SHISAL2A: variants seen among roughly 807,000 people sequenced by gnomAD.
The protein encoded by SHISAL2A is shisa like 2A, also known as protein shisa-like-2A.
A neutral mutation model predicts 11.5 loss-of-function variants in SHISAL2A; 18 were observed. That is an observed-to-expected ratio of 1.57 (90% CI 1.08 to 2.33). The LOEUF is 2.33. Among genes scored for constraint, SHISAL2A ranks in the 30% most tolerant of loss-of-function variants. The pLI, the probability that SHISAL2A is intolerant of heterozygous loss-of-function variation, is 0.00. For missense variants in SHISAL2A, 261 were observed against 250.9 expected (o/e 1.04, Z -0.27); for synonymous variants, 94 against 99.6 (o/e 0.94, Z 0.34).
At chr1:52,663,088 A>G (rs547424741) in intron 4 of SHISAL2A, among the ~76,000 whole-genome samples, 97 of 152,274 alleles carry the variant, frequency 6.4e-4, no homozygotes, top group African/African-American at 2.2e-3. Context: ...GTAGGTTACC[A>G]TGGAAGCCGT....
intron 2 of SHISAL2A, among the ~76,000 whole-genome samples, chr1:52,649,442 C>T (rs1177686289): frequency 6.6e-6 from 1 of 152,116 alleles, no homozygotes; most frequent in Non-Finnish European, 1.5e-5. Context: ...AGTATGGAGG[C>T]AAGGGTGGGG....
At chr1:52,653,459 CA>C (rs1020646796) in intron 2 of SHISAL2A, among the ~76,000 whole-genome samples, 5 of 151,150 alleles carry the variant, frequency 3.3e-5, no homozygotes, top group Admixed American at 6.6e-5. Flanking sequence ...GACTCTGTCT[CA>C]AAAAAAAGAA....
chr1:52,634,815 C>T (rs1691205359), intron 1 of SHISAL2A, among the ~76,000 whole-genome samples: 1 of 152,314 alleles, frequency 6.6e-6, no homozygotes, highest in Admixed American at 6.5e-5. Context: ...AAGTCTCTGG[C>T]TTTTCATCTA....
downstream of SHISAL2A, among the ~76,000 whole-genome samples, chr1:52,658,305 G>T (rs1044000592): frequency 6.6e-6 from 1 of 152,200 alleles, no homozygotes; most frequent in Non-Finnish European, 1.5e-5. Context: ...CTCCCAAAGT[G>T]CTGGGATTAC....
chr1:52,658,462 G>A (rs762216441), downstream of SHISAL2A, among the ~76,000 whole-genome samples: 10 of 152,188 alleles, frequency 6.6e-5, no homozygotes, highest in Non-Finnish European at 1.3e-4. Context: ...GGAGCCAAAT[G>A]CCTGGTTAAA....
At chr1:52,637,439 T>C (rs1691261639) in intron 1 of SHISAL2A, among the ~76,000 whole-genome samples, 1 of 152,230 alleles carries the variant, frequency 6.6e-6, no homozygotes, top group African/African-American at 2.4e-5. Context: ...GTAAGCACTG[T>C]TTCCTGGGAG....
chr1:52,643,617 G>A (rs1691421869), intron 2 of SHISAL2A, among the ~76,000 whole-genome samples: 1 of 152,206 alleles, frequency 6.6e-6, no homozygotes, highest in African/African-American at 2.4e-5. Flanking sequence ...CACTTTGGGA[G>A]GCCGAGGCAG....
chr1:52,637,876 A>G (rs1041212540), intron 1 of SHISAL2A, among the ~76,000 whole-genome samples: 27 of 152,146 alleles, frequency 1.8e-4, no homozygotes, highest in Non-Finnish European at 3.4e-4. Flanking sequence ...TCAGAACAGT[A>G]AAATCCTCGA....
At chr1:52,655,603 G>A (rs1571698302) in intron 2 of SHISAL2A, among the ~76,000 whole-genome samples, 1 of 152,096 alleles carries the variant, frequency 6.6e-6, no homozygotes, top group African/African-American at 2.4e-5. Flanking sequence ...TCCAGTCTTG[G>A]CAACAGTGCA....
chr1:52,648,874 G>A (rs187830733), intron 2 of SHISAL2A, among the ~76,000 whole-genome samples: 11 of 151,536 alleles, frequency 7.3e-5, no homozygotes, highest in African/African-American at 9.7e-5. Context: ...TGGCTCAAGC[G>A]GAATACAGTT....
chr1:52,645,061 A>G (rs1274112967), intron 2 of SHISAL2A, among the ~76,000 whole-genome samples: 1 of 151,852 alleles, frequency 6.6e-6, no homozygotes, highest in Non-Finnish European at 1.5e-5. Flanking sequence ...TAAGGGTGAC[A>G]GGAGGCATCG....
intron 4 of SHISAL2A, among the ~76,000 whole-genome samples, chr1:52,663,004 G>A (rs1351281212): frequency 6.6e-6 from 1 of 152,198 alleles, no homozygotes; most frequent in Non-Finnish European, 1.5e-5. Context: ...GAAGTAGGGA[G>A]CTTCATTGTG....
intron 4 of SHISAL2A, among the ~76,000 whole-genome samples, chr1:52,664,954 A>C (rs1185386631): frequency 6.6e-6 from 1 of 151,784 alleles, no homozygotes; most frequent in East Asian, 1.9e-4. Flanking sequence ...ACGCCTAGCT[A>C]ATTTTTGTAT....
chr1:52,655,452 CAAAAAAAAAAA>C (rs11346128), intron 2 of SHISAL2A, among the ~76,000 whole-genome samples: 26 of 40,130 alleles, frequency 6.5e-4, no homozygotes, highest in African/African-American at 2.1e-3. Context: ...CCTGTATCTA[CAAAAAAAAAAA>C]AAAAAAAAAA....
chr1:52,645,997 T>C (rs960380741), intron 2 of SHISAL2A, among the ~76,000 whole-genome samples: 3 of 152,248 alleles, frequency 2.0e-5, no homozygotes, highest in Non-Finnish European at 2.9e-5. Flanking sequence ...AAAGGATTTC[T>C]GTTTAAAAAT....
At chr1:52,638,729 A>C (rs1044834828) in intron 1 of SHISAL2A, among the ~76,000 whole-genome samples, 5 of 152,226 alleles carry the variant, frequency 3.3e-5, no homozygotes, top group African/African-American at 1.2e-4. Context: ...TGTACTCCTC[A>C]GGGTTATCCC....
chr1:52,634,260 A>G (rs958267961), intron 1 of SHISAL2A, among the ~76,000 whole-genome samples: 1 of 152,094 alleles, frequency 6.6e-6, no homozygotes, highest in Admixed American at 6.5e-5. Flanking sequence ...CTCCAGACTT[A>G]ACCCTCGCCT....
intron 1 of SHISAL2A, among the ~76,000 whole-genome samples, chr1:52,640,306 G>A (rs979602438): frequency 1.3e-5 from 2 of 152,184 alleles, no homozygotes; most frequent in African/African-American, 4.8e-5. Flanking sequence ...AAATGGGCAG[G>A]AGAGCTAGAG....
At chr1:52,644,968 A>G (rs1478816146) in intron 2 of SHISAL2A, among the ~76,000 whole-genome samples, 9 of 149,786 alleles carry the variant, frequency 6.0e-5, no homozygotes, top group Admixed American at 1.3e-4. Context: ...AGTGAGCAGA[A>G]ATTGCGCCAC....
Sources: allele counts gnomAD v4.1 joint callset (sites outside exome capture counted in the v4.1 genomes callset), GRCh38; gene constraint gnomAD v4.1.1; transcripts MANE v1.5; gene names NCBI Gene and HGNC (gene_info 2026-07-23, HGNC 2026-07-21).